Variants in DUOX2 observed in about 807,000 individuals in gnomAD.
The protein encoded by DUOX2 is dual oxidase 2, also known as NADH/NADPH thyroid oxidase p138-tox.
A neutral mutation model predicts 183.3 loss-of-function variants in DUOX2; 185 were observed. That is an observed-to-expected ratio of 1.01 (90% CI 0.90 to 1.14). DUOX2 has a LOEUF of 1.14. Ranked by LOEUF, DUOX2 falls within the 50% of genes most tolerant of loss-of-function variation. The probability of loss-of-function intolerance (pLI) is 0.00; values close to 1 mark genes in which losing one functional copy is unlikely to be tolerated. For synonymous variants in DUOX2, 788 were observed against 812.4 expected (o/e 0.97, Z 0.51); for missense variants, 1,999 against 2,022.9 (o/e 0.99, Z 0.23).
intron 20 of DUOX2, 98 bp downstream of exon 20, chr15:45,103,862 G>T: frequency 1.6e-6 from 2 of 1,277,128 alleles, no homozygotes; most frequent in Non-Finnish European, 2.3e-6. Context: ...CAGCACAGAT[G>T]ACCACAGAGC....
Position 45,097,684 on chromosome 15 carries a change from T to A in DUOX2, c.3623A>T (p.His1208Leu), listed in dbSNP as rs764995517. The change falls in exon 28 of 34, where the codon CAC becomes CTC. Residue 1208 changes from histidine (H) to leucine (L), a missense_variant. Physicochemically the swap from His to Leu is moderately conservative, Grantham distance 99. Transcript: ENST00000389039. ...VLAIMYVFAS[H>L]HFRRRSFRGF... ...CCGGAAGCTGCGGCGGCGGAAGTGG[T>A]GGGAGGCGAAGACATACATGATGGC... The A allele has an allele frequency of 6.2e-7, 1 of 1,613,832 alleles. No individual in the cohort carries two copies. The highest frequency in any genetic ancestry group is 1.1e-5 in the South Asian group (1 of 91,076).
rs1894493841 is a variant in DUOX2 at position 45,113,088 on chromosome 15, G to A, written c.71-12C>T. 1 of 1,612,704 alleles carries A rather than the reference G, an allele frequency of 6.2e-7. No individual in the cohort carries two copies. Among genetic ancestry groups the A allele is most frequent in the Non-Finnish European group, 8.5e-7 (1 of 1,179,316 alleles). Reference sequence around the variant, plus strand: ...TGCGTCCTGACTGCCTGTGGGCACAGAGAAGGGCCTCCTCAGCACTACGCT... The same window carrying A: ...TGCGTCCTGACTGCCTGTGGGCACAAAGAAGGGCCTCCTCAGCACTACGCT... On this transcript the variant is annotated splice_polypyrimidine_tract_variant and intron_variant, in intron 2 of 33. Transcript: ENST00000389039.
In DUOX2 at chr15:45,095,896, G is replaced by T. The variant is rs766677894; in HGVS notation, c.4012C>A (p.Pro1338Thr). 3.1e-6 allele frequency: 5 copies of T among 1,612,572 alleles called. No homozygotes were observed. The South Asian group carries it at 5.5e-5, about 18-fold the overall frequency. The change falls in exon 30 of 34, where the codon CCC (proline) becomes ACC (threonine). Residue 1338 changes from proline to threonine, a missense_variant. This residue lies in a region of DUOX2 where 1,628 missense variants were observed against 1,608.6 expected (regional missense o/e 1.01). Coordinates refer to ENST00000389039, the MANE Select transcript of DUOX2 (RefSeq NM_001363711.2). ...ATCTCCCTGAGGCGAGTGGTCCAGG[G>T]CCCCACTGCCCGGATGTGCAGGCTG... ...TLSLHIRAVG[P>T]WTTRLREIYS...
Position 45,110,707 on chromosome 15 carries a change from T to A in DUOX2, c.886A>T (p.Ile296Phe). The A allele has an allele frequency of 6.2e-7, 1 of 1,612,158 alleles. No individual in the cohort carries two copies. The highest frequency in any genetic ancestry group is 8.5e-7 in the Non-Finnish European group (1 of 1,179,878). Residue 296 changes from isoleucine (I) to phenylalanine (F), a missense_variant, in exon 8 of 34, where the codon ATC becomes TTC. Physicochemically the swap from Ile to Phe is conservative, Grantham distance 21. Around this residue, in one of 3 missense-constraint regions of DUOX2, gnomAD observed 1,628 missense variants for 1,608.6 expected, o/e 1.01. Transcript: ENST00000389039. ...RKRVIATYQN[I>F]AVYEWLPSFL... The stretch of plus-strand genomic sequence containing the variant: ...CTGGGCAGCCACTCATACACAGCGA[T>A]GTTCTGAGGGGCAGAGAGGGGCGAG...
rs1233860533 is a variant in DUOX2 at position 45,094,957 on chromosome 15, G to A, written c.4374C>T (p.Phe1458=). ...ATACTAGCATGGTGGTCCTGAGGTC[G>A]AACTTCTCAGCCAGCTGGGTGACAT... is the stretch of plus-strand genomic sequence containing the variant. ...HIYVTQLAEK[F]DLRTTMLYIC... The change falls in exon 32 of 34, where the codon TTC becomes TTT. Residue 1458 remains phenylalanine (F), a synonymous_variant. Coordinates refer to ENST00000389039, the MANE Select transcript of DUOX2 (RefSeq NM_001363711.2). The A allele has an allele frequency of 5.0e-6, 8 of 1,614,090 alleles. No individual in the cohort carries two copies. The highest frequency in any genetic ancestry group is 2.7e-5 in the African/African-American group (2 of 75,028).
Position 45,094,936 on chromosome 15 carries a change from T to C in DUOX2, c.4395A>G (p.Leu1465=), listed in dbSNP as rs773175016. 3.1e-6 allele frequency: 5 copies of C among 1,613,904 alleles called. No homozygotes were observed. Among genetic ancestry groups the C allele is most frequent in the Non-Finnish European group, 4.2e-6 (5 of 1,179,924 alleles). The part of the protein sequence containing the change: ...AEKFDLRTTM[L]YICERHFQKV... ...CCCTGCCTGGCGGGCCCTGACATAC[T>C]AGCATGGTGGTCCTGAGGTCGAACT... Residue 1465 remains leucine (L), a splice_region_variant and synonymous_variant, in exon 32 of 34, where the codon CTA becomes CTG. Transcript: ENST00000389039.
In DUOX2 at chr15:45,106,652, T is replaced by C; in HGVS notation, c.1832-11A>G. On this transcript the variant is annotated splice_polypyrimidine_tract_variant and intron_variant, in intron 15 of 33. Coordinates refer to ENST00000389039, the MANE Select transcript of DUOX2 (RefSeq NM_001363711.2). ...AGAGAAGCAGACTCACTGAAGTGGA[T>C]CAGAAGGAACAGTGAGGAGGGAGCC... 6.2e-7 allele frequency: 1 copy of C among 1,613,954 alleles called. No homozygotes were observed.
chr15:45,106,744 T>A, intron 15 of DUOX2, 88 bp downstream of exon 15: 2 of 1,606,402 alleles, frequency 1.2e-6, no homozygotes, highest in Non-Finnish European at 1.7e-6. Flanking sequence ...TTGAGCCTGG[T>A]CTCAAACGGT....
chr15:45,105,564 C>T, intron 18 of DUOX2, 79 bp downstream of exon 18: 1 of 1,570,106 alleles, frequency 6.4e-7, no homozygotes, highest in Non-Finnish European at 8.8e-7. Context: ...TTAGTTCACC[C>T]ACAGGGGCGT....
At chr15:45,108,511 G>C in intron 12 of DUOX2, 1 of 601,096 alleles carries the variant, frequency 1.7e-6, no homozygotes, top group Non-Finnish European at 2.9e-6. Flanking sequence ...CCCTTGGGGT[G>C]GGACCCTGCA....
In DUOX2 at chr15:45,095,590, G is replaced by A; in HGVS notation, c.4086C>T (p.Tyr1362=). Residue 1362 remains tyrosine, a synonymous_variant, in exon 31 of 34, where the codon TAC becomes TAT. Transcript: ENST00000389039. ...GGCCCTCTCCAAACGGTCCATCAAGGTACAGCTGCCAAGAGAGGGGGGAGA... is the reference window on the plus strand; with the variant it reads ...GGCCCTCTCCAAACGGTCCATCAAGATACAGCTGCCAAGAGAGGGGGGAGA... The part of the protein sequence containing the change: ...GNGCAGYPKL[Y]LDGPFGEGHQ... The A allele has an allele frequency of 1.2e-6, 2 of 1,614,192 alleles. No homozygotes were observed. Among genetic ancestry groups the A allele is most frequent in the South Asian group, 2.2e-5 (2 of 91,064 alleles).
chr15:45,097,923 C>T (rs1893949580), intron 27 of DUOX2, 86 bp downstream of exon 27: 1 of 1,532,112 alleles, frequency 6.5e-7, no homozygotes. Context: ...GACCCCATGG[C>T]CAGTATAGAC....
chr15:45,097,768 A>T (rs769440440), intron 27 of DUOX2, 27 bp from the exon 28 acceptor site: 2 of 1,614,042 alleles, frequency 1.2e-6, no homozygotes, highest in Admixed American at 1.7e-5. Flanking sequence ...AGGGCCAGTG[A>T]GTAGTCTCAG....
In DUOX2 at chr15:45,111,905, C is replaced by T; in HGVS notation, c.376G>A (p.Ala126Thr). ...VVSVETPGCPAEFLNIRIPPG... is the reference protein window; with the variant it reads ...VVSVETPGCPTEFLNIRIPPG... The stretch of plus-strand genomic sequence containing the variant: ...GGGATGCGGATGTTGAGGAACTCGG[C>T]GGGGCAACCGGGCGTTTCCACGCTC... The change falls in exon 5 of 34, where the codon GCC (alanine) becomes ACC (threonine). Residue 126 changes from alanine (A) to threonine (T), a missense_variant. Ala to Thr is a moderately conservative substitution (Grantham distance 58). This residue lies in a region of DUOX2 where 356 missense variants were observed against 356.4 expected (regional missense o/e 1.00). Coordinates refer to ENST00000389039, the MANE Select transcript of DUOX2 (RefSeq NM_001363711.2). 6.2e-7 allele frequency: 1 copy of T among 1,613,798 alleles called. No individual in the cohort carries two copies. Among genetic ancestry groups the T allele is most frequent in the Non-Finnish European group, 8.5e-7 (1 of 1,179,988 alleles).
chr15:45,093,672 C>T lies in DUOX2; in HGVS notation c.*478G>A, dbSNP rs12324044. 0.058 allele frequency: 10,545 copies of T among 180,978 alleles called. 1,239 individuals are homozygous for T. Among genetic ancestry groups the T allele is most frequent in the African/African-American group, 0.23 (10,028 of 42,830 alleles). 11.2% of individuals were successfully genotyped at this position (180,978 alleles called of 1,614,324 possible). A position where few individuals can be genotyped will look rare whatever the true frequency, so the allele number is the denominator to read the frequency against. ...ATGTCAGTCCAAGCAAATACCAAAG[C>T]AACGCATCGATTTTGTGGAAGTCAA... On this transcript the variant is annotated 3_prime_UTR_variant, in exon 34 of 34. Coordinates refer to ENST00000389039, the MANE Select transcript of DUOX2 (RefSeq NM_001363711.2).
intron 10 of DUOX2, 115 bp from the exon 11 acceptor site, chr15:45,109,741 G>A: frequency 7.5e-7 from 1 of 1,329,096 alleles, no homozygotes. Context: ...AGACTCTCTT[G>A]AACTGTTGTC....
At chr15:45,107,577 C>A in intron 13 of DUOX2, 114 bp from the exon 14 acceptor site, 1 of 1,120,722 alleles carries the variant, frequency 8.9e-7, no homozygotes, top group Non-Finnish European at 1.4e-6. Context: ...GGTGCAGTGG[C>A]TCATGCCTGT....
chr15:45,098,690 A>T (rs150364747), intron 26 of DUOX2, among the ~76,000 whole-genome samples: 24 of 149,542 alleles, frequency 1.6e-4, no homozygotes, highest in Non-Finnish European at 1.5e-5. Context: ...AGTGTCTGGG[A>T]CTGTCTATTT....
chr15:45,102,934 A>G (rs1183199671), intron 20 of DUOX2, among the ~76,000 whole-genome samples: 1 of 152,228 alleles, frequency 6.6e-6, no homozygotes, highest in Non-Finnish European at 1.5e-5. Context: ...GTGAGCCGAG[A>G]TCGTGGCACT....
Sources: gnomAD v4.1 joint callset for allele counts (sites outside exome capture counted in the v4.1 genomes callset) on GRCh38, gnomAD v4.1.1 for gene constraint, gnomAD v4.1.1 regional missense constraint, MANE v1.5 for transcripts, NCBI Gene and HGNC (gene_info 2026-07-23, HGNC 2026-07-21) for gene names.